Variants in DYSF observed in about 807,000 individuals in gnomAD.
The protein encoded by DYSF is dystrophy-associated fer-1-like 1.
In DYSF, 212 loss-of-function variants were observed where a neutral mutation model predicts 274.9. That is an observed-to-expected ratio of 0.77 (90% CI 0.69 to 0.86). The LOEUF (loss-of-function observed/expected upper bound fraction) is 0.86, where lower values mean the gene tolerates loss of function less well. Among genes scored for constraint, DYSF ranks in the 40% least tolerant of loss-of-function variants. The probability of loss-of-function intolerance (pLI) is 0.00; values close to 1 mark genes in which losing one functional copy is unlikely to be tolerated. For synonymous variants in DYSF, 1,091 were observed against 1,078.7 expected, an observed-to-expected ratio of 1.01 and a Z score of -0.22; for missense variants, 2,666 against 2,783.2, an observed-to-expected ratio of 0.96 and a Z score of 0.95.
chr2:71,627,742 C>G (rs887554816), intron 41 of DYSF, among the ~76,000 whole-genome samples: 1 of 152,094 alleles, frequency 6.6e-6, no homozygotes, highest in African/African-American at 2.4e-5. Flanking sequence ...ATTTGATGCT[C>G]TCTATATTTT....
intron 29 of DYSF, among the ~76,000 whole-genome samples, chr2:71,571,131 C>T (rs1249657648): frequency 6.7e-6 from 1 of 149,522 alleles, no homozygotes; most frequent in Non-Finnish European, 1.5e-5. Context: ...ACCCACAGAT[C>T]ACACCCAGCG....
intron 3 of DYSF, among the ~76,000 whole-genome samples, chr2:71,496,984 G>T (rs544685303): frequency 1.3e-5 from 2 of 152,178 alleles, no homozygotes; most frequent in Non-Finnish European, 2.9e-5. Context: ...TGTCAGCCTT[G>T]TTATTTGTGT....
chr2:71,585,791 C>T (rs547967671), intron 30 of DYSF, among the ~76,000 whole-genome samples: 1 of 152,070 alleles, frequency 6.6e-6, no homozygotes, highest in African/African-American at 2.4e-5. Context: ...CCTGGCTGGG[C>T]TCTCAGTGGG....
chr2:71,553,398 G>A (rs1300478470), intron 20 of DYSF, among the ~76,000 whole-genome samples: 1 of 152,224 alleles, frequency 6.6e-6, no homozygotes. Context: ...GGGACCAGCT[G>A]TGGTCAGCAT....
At chr2:71,477,919 A>G (rs968265222) in intron 1 of DYSF, among the ~76,000 whole-genome samples, 2 of 152,184 alleles carry the variant, frequency 1.3e-5, no homozygotes, top group Non-Finnish European at 2.9e-5. Context: ...CATAGACATC[A>G]ATCAAAATGA....
At chr2:71,684,443 C>G (rs1409397909) in intron 55 of DYSF, among the ~76,000 whole-genome samples, 1 of 152,162 alleles carries the variant, frequency 6.6e-6, no homozygotes, top group Non-Finnish European at 1.5e-5. Context: ...ACTCTAAGCA[C>G]GTGTGTGCGT....
intron 29 of DYSF, among the ~76,000 whole-genome samples, chr2:71,571,971 C>T (rs1486599676): frequency 8.7e-5 from 13 of 148,704 alleles, no homozygotes; most frequent in Middle Eastern, 4.0e-3. Context: ...CAGATCACAC[C>T]GAGCATGGAT....
At chr2:71,497,087 T>A (rs1377214205) in intron 3 of DYSF, among the ~76,000 whole-genome samples, 1 of 152,206 alleles carries the variant, frequency 6.6e-6, no homozygotes, top group African/African-American at 2.4e-5. Context: ...ACAGGACTAG[T>A]GTCCTAATAT....
chr2:71,593,768 C>T (rs2093337320), intron 32 of DYSF, among the ~76,000 whole-genome samples: 1 of 152,140 alleles, frequency 6.6e-6, no homozygotes, highest in Admixed American at 6.5e-5. Flanking sequence ...AGCTGCCCGC[C>T]CAGATGGAGG....
chr2:71,513,320 C>T lies in DYSF; in HGVS notation c.541C>T (p.Pro181Ser), dbSNP rs867639421. The change falls in exon 6 of 56, where the codon CCG (proline) becomes TCG (serine). Residue 181 changes from proline to serine, a missense_variant. Pro to Ser is a moderately conservative substitution (Grantham distance 74, BLOSUM62 -1). This residue lies in a region of DYSF where 794 missense variants were observed against 777.1 expected (regional missense o/e 1.02). Transcript: ENST00000410020. ...MDTRYSGKKW[P>S]APTDTGGEED... The stretch of plus-strand genomic sequence containing the variant: ...CACGAGATACTCTGGAAAGAAGTGG[C>T]CGGCCCCCACGGGTGAGACACGGGC... 1.9e-6 allele frequency: 3 copies of T among 1,551,512 alleles called. No individual in the cohort carries two copies. The African/African-American group carries it at 4.1e-5, about 21-fold the overall frequency.
intron 30 of DYSF, among the ~76,000 whole-genome samples, chr2:71,577,376 C>T (rs1442877047): frequency 6.6e-6 from 1 of 151,616 alleles, no homozygotes; most frequent in African/African-American, 2.4e-5. Context: ...CACACATACA[C>T]ACTCATACAA....
chr2:71,468,362 T>A (rs1237163912), intron 1 of DYSF, among the ~76,000 whole-genome samples: 2 of 152,202 alleles, frequency 1.3e-5, no homozygotes, highest in Non-Finnish European at 2.9e-5. Flanking sequence ...AATGTCTCCA[T>A]TCTGCAAATA....
rs917544159 is a variant in DYSF at position 71,663,796 on chromosome 2, C to T, written c.5004-472C>T. Among the ~76,000 whole-genome samples the T allele has an allele frequency of 5.9e-5, 9 of 152,156 alleles. 1 individual carries two copies. The highest frequency in any genetic ancestry group is 4.1e-4 in the South Asian group (2 of 4,824). On this transcript the variant is annotated intron_variant, in intron 45 of 55. Transcript: ENST00000410020. Reference sequence around the variant, plus strand: ...TCCCAGGCCTGGAGTTTCCAGTCATCGGTAAATTCCAAAGCTCTGGCCCCT... The same window carrying T: ...TCCCAGGCCTGGAGTTTCCAGTCATTGGTAAATTCCAAAGCTCTGGCCCCT...
intron 34 of DYSF, chr2:71,601,222 G>T: frequency 1.7e-6 from 1 of 600,504 alleles, no homozygotes; most frequent in Admixed American, 2.9e-5. Context: ...CCACTCCCCT[G>T]CTGTAAAATG....
chr2:71,513,478 G>A, intron 6 of DYSF, 146 bp downstream of exon 6: 2 of 928,430 alleles, frequency 2.2e-6, no homozygotes, highest in Non-Finnish European at 3.3e-6. Flanking sequence ...GGGCCATTCT[G>A]TTTTCTTCCT....
chr2:71,646,906 G>A (rs978114393), intron 42 of DYSF, among the ~76,000 whole-genome samples: 1 of 152,080 alleles, frequency 6.6e-6, no homozygotes, highest in Non-Finnish European at 1.5e-5. Flanking sequence ...AGCAAACAAG[G>A]TAAGTGTAAA....
intron 42 of DYSF, 137 bp downstream of exon 42, chr2:71,644,200 C>A: frequency 1.2e-6 from 1 of 824,152 alleles, no homozygotes; most frequent in Non-Finnish European, 2.0e-6. Flanking sequence ...ATGAATGCTG[C>A]TAGACCAGCT....
rs766375112 is a variant in DYSF at position 71,513,322 on chromosome 2, G to A, written c.543G>A (p.Pro181=). 163 of 1,551,478 alleles carry A rather than the reference G, an allele frequency of 1.1e-4. No homozygotes were observed. Among genetic ancestry groups the A allele is most frequent in the Middle Eastern group, 1.7e-4 (1 of 6,014 alleles). Residue 181 remains proline, a synonymous_variant, in exon 6 of 56, where the codon CCG becomes CCA. Transcript: ENST00000410020. Reference sequence around the variant, plus strand: ...CGAGATACTCTGGAAAGAAGTGGCCGGCCCCCACGGGTGAGACACGGGCCA... The same window carrying A: ...CGAGATACTCTGGAAAGAAGTGGCCAGCCCCCACGGGTGAGACACGGGCCA... ...MDTRYSGKKW[P]APTDTGGEED... is the part of the protein sequence containing the mutation.
At chr2:71,618,207 GAT>G (rs1373180876) in intron 40 of DYSF, among the ~76,000 whole-genome samples, 37 of 62,862 alleles carry the variant, frequency 5.9e-4, no homozygotes, top group East Asian at 3.4e-3. Context: ...GTAGAGATGG[GAT>G]GTGTGTGTGT....
Sources: allele counts gnomAD v4.1 joint callset (sites outside exome capture counted in the v4.1 genomes callset), GRCh38; gene constraint gnomAD v4.1.1; regional missense constraint gnomAD v4.1.1; transcripts MANE v1.5; gene names NCBI Gene and HGNC (gene_info 2026-07-23, HGNC 2026-07-21).